Variants in SBNO2 observed in about 807,000 individuals in gnomAD.
SBNO2 encodes protein strawberry notch homolog 2.
A neutral mutation model predicts 146.3 loss-of-function variants in SBNO2; 89 were observed. The observed-to-expected ratio is 0.61, with a 90% CI of 0.51 to 0.73. The LOEUF is 0.73. Ranked by LOEUF, SBNO2 falls within the 30% of genes least tolerant of loss-of-function variation. SBNO2 has a pLI of 0.00. For missense variants in SBNO2, 2,092 were observed against 2,003.7 expected (o/e 1.04, Z -0.84); for synonymous variants, 1,147 against 892.6 (o/e 1.29, Z -5.08).
chr19:1,133,851 C>CTGTG (rs1461732041), intron 4 of SBNO2, among the ~76,000 whole-genome samples: 1 of 152,238 alleles, frequency 6.6e-6, no homozygotes, highest in African/African-American at 2.4e-5. Context: ...AACCCACAAC[C>CTGTG]ACAAGCGCTG....
At chr19:1,123,256 G>A (rs2079926396) in intron 7 of SBNO2, among the ~76,000 whole-genome samples, 1 of 151,818 alleles carries the variant, frequency 6.6e-6, no homozygotes, top group Non-Finnish European at 1.5e-5. Context: ...GTGTGGCCGC[G>A]GCCTGCTGGG....
chr19:1,113,917 C>G (rs1049602548), intron 18 of SBNO2, among the ~76,000 whole-genome samples: 2 of 152,190 alleles, frequency 1.3e-5, no homozygotes, highest in Non-Finnish European at 2.9e-5. Context: ...CCTCCTGTCG[C>G]GGACCAAACA....
intron 2 of SBNO2, among the ~76,000 whole-genome samples, chr19:1,151,828 A>C (rs1294207822): frequency 6.6e-6 from 1 of 152,114 alleles, no homozygotes; most frequent in Admixed American, 6.5e-5. Flanking sequence ...ACGCCCAGCT[A>C]ACTTTTGTAT....
At chr19:1,127,138 G>A (rs573240948) in intron 5 of SBNO2, among the ~76,000 whole-genome samples, 232 of 152,346 alleles carry the variant, frequency 1.5e-3, no homozygotes, top group African/African-American at 5.4e-3. Context: ...GCCACCACAG[G>A]TGCTGTTCCT....
rs2080122340 is a variant in SBNO2 at position 1,140,243 on chromosome 19, T to G, written c.279+7066A>C. 6.7e-6 allele frequency among the ~76,000 whole-genome samples: 1 copy of G among 148,994 alleles called. No homozygotes were observed. Among genetic ancestry groups the G allele is most frequent in the African/African-American group, 2.5e-5 (1 of 40,082 alleles). On this transcript the variant is annotated intron_variant, in intron 4 of 31. Transcript: ENST00000361757. This position sits in a 1 kb window ranked among gnomAD's most constrained non-coding sequence, Gnocchi z 4.4. Reference sequence around the variant, plus strand: ...TGAACCCAGGAGGCGTTGGTTGCAGTGAGCCGAGGTCACGCCACTGCACTC... The same window carrying G: ...TGAACCCAGGAGGCGTTGGTTGCAGGGAGCCGAGGTCACGCCACTGCACTC...
chr19:1,149,440 G>A lies in SBNO2; in HGVS notation c.96C>T (p.Ser32=), dbSNP rs770059122. Reference sequence around the variant, plus strand: ...TCCAGTAGGGGCAGTGCAGCATGGCGCTCTAGAAGAGACAGCGGGCATCAG... The same window carrying A: ...TCCAGTAGGGGCAGTGCAGCATGGCACTCTAGAAGAGACAGCGGGCATCAG... ...SLLYSPPPLQ[S]AMLHCPYWNT... The change falls in exon 3 of 32, where the codon AGC becomes AGT. Residue 32 remains serine, a splice_region_variant and synonymous_variant. Transcript: ENST00000361757. 81 of 1,551,460 alleles carry A rather than the reference G, an allele frequency of 5.2e-5. No homozygotes were observed. Among genetic ancestry groups the A allele is most frequent in the Admixed American group, 1.4e-4 (7 of 51,084 alleles).
At position 1,127,784 on chromosome 19, in the gene SBNO2, C is replaced by T; in HGVS notation, c.280-19G>A. 3 of 1,610,920 alleles carry T rather than the reference C, an allele frequency of 1.9e-6. No individual in the cohort carries two copies. The highest frequency in any genetic ancestry group is 2.5e-6 in the Non-Finnish European group (3 of 1,177,964). Reference sequence around the variant, plus strand: ...AGGAGTCCTGGAAGACAAGGCCAGGCCCGGTGAGGGTGGTACGGGAGACAC... The same window carrying T: ...AGGAGTCCTGGAAGACAAGGCCAGGTCCGGTGAGGGTGGTACGGGAGACAC... On this transcript the variant is annotated intron_variant, in intron 4 of 31. Transcript: ENST00000361757.
rs190089735 is a variant in SBNO2 at position 1,123,413 on chromosome 19, G to A, written c.628+121C>T. 7.0e-5 allele frequency: 59 copies of A among 843,082 alleles called. No homozygotes were observed. In the African/African-American group the frequency reaches 7.4e-4, roughly 11 times the overall value. 52.2% of individuals were successfully genotyped at this position (843,082 alleles called of 1,614,324 possible). A position where few individuals can be genotyped will look rare whatever the true frequency, so the allele number is the denominator to read the frequency against. On this transcript the variant is annotated intron_variant, in intron 7 of 31. Coordinates refer to ENST00000361757, the MANE Select transcript of SBNO2 (RefSeq NM_014963.3). ...TGTAGAACCTGTCCCCGGGCTCTCC[G>A]GCCCTCCCTGAAGCTTCACATTCCC...
Position 1,108,673 on chromosome 19 carries a change from C to T in SBNO2, c.3648G>A (p.Arg1216=), listed in dbSNP as rs745967139. ...GIKIPEGCVR[R]VLQELRLMDA... is the part of the protein sequence containing the mutation. ...CCATCAGCCGCAGCTCCTGCAGCAC[C>T]CGGCGCACGCAGCCCTCGGGGATCT... Residue 1216 remains arginine (R), a synonymous_variant, in exon 32 of 32, where the codon CGG becomes CGA. Transcript: ENST00000361757. 2 of 1,531,002 alleles carry T rather than the reference C, an allele frequency of 1.3e-6. No homozygotes were observed. The highest frequency in any genetic ancestry group is 1.2e-5 in the South Asian group (1 of 83,696). The allele number at this position is 1,531,002 out of a possible 1,614,324, so 94.8% of individuals were successfully genotyped here. A position where few individuals can be genotyped will look rare whatever the true frequency, so the allele number is the denominator to read the frequency against.
In SBNO2 at chr19:1,150,528, G is replaced by A. The variant is rs528379778; in HGVS notation, c.94-1086C>T. ...ACCCTGCCGTCACGGACGCCCCCAC[G>A]GTCACGGGGGAGACCCTGCCGTCAC... On this transcript the variant is annotated intron_variant, in intron 2 of 31. Coordinates refer to ENST00000361757, the MANE Select transcript of SBNO2 (RefSeq NM_014963.3). The surrounding 1 kb of genome is among the most constrained non-coding windows in gnomAD (Gnocchi z 6.2). 2.0e-5 allele frequency among the ~76,000 whole-genome samples: 3 copies of A among 151,220 alleles called. No individual in the cohort carries two copies. Among genetic ancestry groups the A allele is most frequent in the African/African-American group, 4.9e-5 (2 of 41,224 alleles).
chr19:1,117,560 C>CG, intron 14 of SBNO2, 61 bp from the exon 15 acceptor site: 1 of 1,485,622 alleles, frequency 6.7e-7, no homozygotes, highest in Non-Finnish European at 9.0e-7. Flanking sequence ...ACCCGGGCCC[C>CG]GGCCCACCTG....
intron 16 of SBNO2, among the ~76,000 whole-genome samples, 190 bp downstream of exon 16, chr19:1,116,639 C>T (rs912934970): frequency 2.0e-5 from 3 of 152,162 alleles, no homozygotes; most frequent in Admixed American, 6.5e-5. Context: ...TGGGGTCCAC[C>T]TCCAAGCCTC....
In SBNO2 at chr19:1,109,592, C is replaced by G. The variant is rs2079728285; in HGVS notation, c.3130G>C (p.Val1044Leu). Residue 1044 changes from valine to leucine, a missense_variant, in exon 28 of 32, where the codon GTG becomes CTG. By Grantham distance (32) the Val-to-Leu change is conservative. Coordinates refer to ENST00000361757, the MANE Select transcript of SBNO2 (RefSeq NM_014963.3). The surrounding 1 kb of genome is among the most constrained non-coding windows in gnomAD (Gnocchi z 4.2). Reference sequence around the variant, plus strand: ...TCCTCCCACTTCAGGCCGCGGTCCACGCTGATCTGCCACGGCACGGGGTGG... The same window carrying G: ...TCCTCCCACTTCAGGCCGCGGTCCAGGCTGATCTGCCACGGCACGGGGTGG... The part of the protein sequence containing the change: ...DGQVVFYKIS[V>L]DRGLKWEDAF... 3 of 1,584,050 alleles carry G rather than the reference C, an allele frequency of 1.9e-6. No individual in the cohort carries two copies. In the South Asian group the frequency reaches 3.4e-5, roughly 18 times the overall value.
rs528311139 is a variant in SBNO2, at chr19:1,118,293, G to A, written c.1527+718C>T. Among the ~76,000 whole-genome samples, 72 of 152,152 alleles carry A rather than the reference G, an allele frequency of 4.7e-4. 1 individual carries two copies. In the Middle Eastern group the frequency reaches 0.024, roughly 50 times the overall value. On this transcript the variant is annotated intron_variant, in intron 14 of 31. Transcript: ENST00000361757. Reference sequence around the variant, plus strand: ...GCGGAGGTTGCGGTGAGCCAAGATCGTGCCATTGCACTCCAGCCTGGGCAA... The same window carrying A: ...GCGGAGGTTGCGGTGAGCCAAGATCATGCCATTGCACTCCAGCCTGGGCAA...
Position 1,154,318 on chromosome 19 carries a change from G to T in SBNO2, c.-42C>A. The T allele has an allele frequency of 1.0e-5, 12 of 1,160,410 alleles. No homozygotes were observed. Among genetic ancestry groups the T allele is most frequent in the Non-Finnish European group, 1.3e-5 (12 of 918,658 alleles). The allele number at this position is 1,160,410 out of a possible 1,614,324, so 71.9% of individuals were successfully genotyped here. On this transcript the variant is annotated 5_prime_UTR_variant, in exon 2 of 32. Coordinates refer to ENST00000361757, the MANE Select transcript of SBNO2 (RefSeq NM_014963.3). ...TGGGGTCCTCGGCCGGGCAGCAGGCGGCGGGACTCCAGGACCCGGGGCCGC... is the reference window on the plus strand; with the variant it reads ...TGGGGTCCTCGGCCGGGCAGCAGGCTGCGGGACTCCAGGACCCGGGGCCGC...
intron 13 of SBNO2, 48 bp from the exon 14 acceptor site, chr19:1,119,212 T>G (rs756963443): frequency 1.9e-6 from 3 of 1,556,480 alleles, no homozygotes. Flanking sequence ...CCCGTGGGGA[T>G]GGAGCCACTC....
chr19:1,111,587 G>A lies in SBNO2; in HGVS notation c.2728C>T (p.Leu910Phe). The A allele has an allele frequency of 1.3e-6, 2 of 1,594,356 alleles. No individual in the cohort carries two copies. The highest frequency in any genetic ancestry group is 2.3e-5 in the East Asian group (1 of 43,980). The change falls in exon 24 of 32, where the codon CTC (leucine) becomes TTC (phenylalanine). Residue 910 changes from leucine to phenylalanine, a missense_variant. Coordinates refer to ENST00000361757, the MANE Select transcript of SBNO2 (RefSeq NM_014963.3). Reference protein sequence around the residue: ...KYGTRALHCVLTTILSQTENK... With the variant: ...KYGTRALHCVFTTILSQTENK... ...TCAGTCTGGCTCAGGATGGTGGTGA[G>A]GACACAGTGCAGGGCCCGGGTGCCA... is the stretch of plus-strand genomic sequence containing the variant.
chr19:1,172,062 C>G (rs1406861803), intron 1 of SBNO2, among the ~76,000 whole-genome samples: 1 of 152,180 alleles, frequency 6.6e-6, no homozygotes, highest in African/African-American at 2.4e-5. Context: ...GCCTGCACAG[C>G]CCCCTCCACA....
At position 1,110,595 on chromosome 19, in the gene SBNO2, C is replaced by G; in HGVS notation, c.3028+150G>C. Reference sequence around the variant, plus strand: ...CCCGGCGTTCCCACGAGCCCCTCGCCCACCCGGGATGCACGGTGTTCCCAC... The same window carrying G: ...CCCGGCGTTCCCACGAGCCCCTCGCGCACCCGGGATGCACGGTGTTCCCAC... On this transcript the variant is annotated intron_variant, in intron 26 of 31. Transcript: ENST00000361757. This position sits in a 1 kb window ranked among gnomAD's most constrained non-coding sequence, Gnocchi z 4.9. 1.1e-6 allele frequency: 1 copy of G among 931,176 alleles called. No homozygotes were observed. Among genetic ancestry groups the G allele is most frequent in the African/African-American group, 1.7e-5 (1 of 58,074 alleles). The allele number at this position is 931,176 out of a possible 1,614,324, so 57.7% of individuals were successfully genotyped here.
Sources: gnomAD v4.1 joint callset for allele counts (sites outside exome capture counted in the v4.1 genomes callset) on GRCh38, gnomAD v4.1.1 for gene constraint, Gnocchi (gnomAD v3.1) non-coding constraint, MANE v1.5 for transcripts, NCBI Gene and HGNC (gene_info 2026-07-23, HGNC 2026-07-21) for gene names.